The following EFCAB5 variants were observed in gnomAD, a reference collection of about 807,000 sequenced individuals.
EFCAB5 encodes EF-hand calcium binding domain 5, also known as EF-hand calcium-binding domain-containing protein 5.
A neutral mutation model predicts 167.9 loss-of-function variants in EFCAB5; 131 were observed. The ratio of observed to expected loss-of-function variants is 0.78; its 90% CI spans 0.68 to 0.90. The LOEUF is 0.90. Among genes scored for constraint, EFCAB5 ranks in the 40% least tolerant of loss-of-function variants. The pLI, the probability that EFCAB5 is intolerant of heterozygous loss-of-function variation, is 0.00. For synonymous variants in EFCAB5, 574 were observed against 602.8 expected (o/e 0.95, Z 0.70); for missense variants, 1,663 against 1,745.2 (o/e 0.95, Z 0.84).
intron 14 of EFCAB5, among the ~76,000 whole-genome samples, chr17:30,070,761 C>T (rs989118373): frequency 4.6e-5 from 7 of 151,732 alleles, no homozygotes; most frequent in Admixed American, 4.6e-4. Flanking sequence ...ACCAGCCTGG[C>T]CAACATGGCA....
chr17:29,934,074 A>C (rs1211994276), intron 1 of EFCAB5, among the ~76,000 whole-genome samples: 2 of 152,198 alleles, frequency 1.3e-5, no homozygotes, highest in African/African-American at 4.8e-5. Flanking sequence ...GATGTCTAAA[A>C]ATTTAATGAA....
At chr17:30,044,224 A>T (rs1336916957) in intron 8 of EFCAB5, among the ~76,000 whole-genome samples, 1 of 152,108 alleles carries the variant, frequency 6.6e-6, no homozygotes, top group Non-Finnish European at 1.5e-5. Flanking sequence ...ATAATCATCA[A>T]TTTTTCATGC....
At chr17:29,937,926 C>T (rs1033864827), upstream of EFCAB5, among the ~76,000 whole-genome samples, 1 of 152,162 alleles carries the variant, frequency 6.6e-6, no homozygotes, top group African/African-American at 2.4e-5. Flanking sequence ...TTCCTTTTCC[C>T]TAGCACAAAG....
rs149916688 is a variant in EFCAB5, at chr17:29,978,354, T to C, written c.767+8987T>C. ...ACTGTTACATCCAATGGAATTGTGG[T>C]AGGACTTTATCCAAACAGGTTCTAC... is the stretch of plus-strand genomic sequence containing the variant. On this transcript the variant is annotated intron_variant, in intron 4 of 22. Transcript: ENST00000394835. Among the ~76,000 whole-genome samples the C allele has an allele frequency of 3.3e-5, 5 of 152,350 alleles. No homozygotes were observed. The East Asian group carries it at 7.7e-4, about 23-fold the overall frequency.
chr17:29,964,908 T>C (rs2067796235), intron 3 of EFCAB5, among the ~76,000 whole-genome samples: 2 of 151,956 alleles, frequency 1.3e-5, no homozygotes, highest in Non-Finnish European at 2.9e-5. Context: ...TGACTTTTTT[T>C]TTTTCTTTTT....
At chr17:30,047,033 T>A (rs1206689968) in intron 8 of EFCAB5, among the ~76,000 whole-genome samples, 2 of 152,214 alleles carry the variant, frequency 1.3e-5, no homozygotes, top group African/African-American at 2.4e-5. Flanking sequence ...AGGATAGATA[T>A]AACTTTGGAT....
At chr17:30,013,259 T>G (rs1194210120) in intron 7 of EFCAB5, among the ~76,000 whole-genome samples, 3 of 152,226 alleles carry the variant, frequency 2.0e-5, no homozygotes, top group East Asian at 3.8e-4. Flanking sequence ...TGGTCTAAAA[T>G]TCTCTTTTTT....
intron 14 of EFCAB5, chr17:30,069,336 A>C: frequency 6.4e-7 from 1 of 1,554,600 alleles, no homozygotes. Flanking sequence ...ATGTTTGAAC[A>C]GGAAAATCAG....
intron 7 of EFCAB5, among the ~76,000 whole-genome samples, chr17:30,017,864 A>T (rs1240944057): frequency 6.6e-6 from 1 of 152,160 alleles, no homozygotes. Flanking sequence ...TACAATTGCC[A>T]TAGTTGATTA....
chr17:30,059,781 A>T, intron 14 of EFCAB5, 80 bp downstream of exon 14: 2 of 1,213,200 alleles, frequency 1.6e-6, no homozygotes, highest in Non-Finnish European at 2.2e-6. Context: ...TACAGTTAAA[A>T]TACTGGTTAT....
chr17:30,032,168 A>G (rs1233707900), intron 7 of EFCAB5, among the ~76,000 whole-genome samples: 1 of 152,200 alleles, frequency 6.6e-6, no homozygotes, highest in Non-Finnish European at 1.5e-5. Context: ...AGAACCAGAA[A>G]CCAACCTGAG....
chr17:30,082,542 C>T (rs1025413217), intron 17 of EFCAB5, among the ~76,000 whole-genome samples: 17 of 151,992 alleles, frequency 1.1e-4, no homozygotes, highest in African/African-American at 3.6e-4. Context: ...AGGTGTGCAC[C>T]ACCATGCCCA....
intron 3 of EFCAB5, among the ~76,000 whole-genome samples, chr17:29,945,809 C>T (rs1042961164): frequency 1.6e-4 from 25 of 152,116 alleles, no homozygotes; most frequent in African/African-American, 5.8e-4. Context: ...AACTGCATCC[C>T]TATCTCTCAC....
intron 7 of EFCAB5, among the ~76,000 whole-genome samples, chr17:30,022,625 T>C (rs941035940): frequency 6.6e-6 from 1 of 152,174 alleles, no homozygotes; most frequent in African/African-American, 2.4e-5. Flanking sequence ...TCCACTTTGT[T>C]TCCTTACTTC....
intron 3 of EFCAB5, among the ~76,000 whole-genome samples, chr17:29,958,663 A>G (rs943405700): frequency 2.0e-5 from 3 of 152,024 alleles, no homozygotes; most frequent in African/African-American, 7.2e-5. Flanking sequence ...ACTTTGTTTG[A>G]TAAGGTCATG....
chr17:30,078,519 G>A lies in EFCAB5; in HGVS notation c.3027+15G>A, dbSNP rs756154304. ...CCCTCATGCAGGTACGTTTCCTAAAGCAGTATGTAAGAGGAAACATTTCCT... is the reference window on the plus strand; with the variant it reads ...CCCTCATGCAGGTACGTTTCCTAAAACAGTATGTAAGAGGAAACATTTCCT... On this transcript the variant is annotated intron_variant, in intron 15 of 22. Coordinates refer to ENST00000394835, the MANE Select transcript of EFCAB5 (RefSeq NM_198529.4). The A allele has an allele frequency of 6.4e-7, 1 of 1,554,842 alleles. No homozygotes were observed. The highest frequency in any genetic ancestry group is 1.2e-5 in the South Asian group (1 of 81,998).
At chr17:30,013,383 G>T (rs2068953695) in intron 7 of EFCAB5, among the ~76,000 whole-genome samples, 1 of 152,184 alleles carries the variant, frequency 6.6e-6, no homozygotes, top group Non-Finnish European at 1.5e-5. Flanking sequence ...AATGGTACCA[G>T]CTCCTCTTTG....
intron 14 of EFCAB5, chr17:30,069,374 T>TAA: frequency 6.4e-7 from 1 of 1,558,364 alleles, no homozygotes; most frequent in Non-Finnish European, 8.8e-7. Flanking sequence ...GAACAGCTTG[T>TAA]TTGATGAAGT....
At chr17:29,942,136 G>A in intron 1 of EFCAB5, 104 bp from the exon 2 acceptor site, 1 of 960,994 alleles carries the variant, frequency 1.0e-6, no homozygotes, top group Non-Finnish European at 1.5e-6. Context: ...TACTCATTAT[G>A]TGAAATTTTT....
Sources: gnomAD v4.1 joint callset for allele counts (sites outside exome capture counted in the v4.1 genomes callset) on GRCh38, gnomAD v4.1.1 for gene constraint, MANE v1.5 for transcripts, NCBI Gene and HGNC (gene_info 2026-07-23, HGNC 2026-07-21) for gene names.